EPHA3: variants seen among roughly 807,000 people sequenced by gnomAD.
EPHA3 encodes ephrin type-A receptor 3.
Under a neutral mutation model 107.1 loss-of-function variants are expected in EPHA3, and 42 were observed. The ratio of observed to expected loss-of-function variants is 0.39; its 90% CI spans 0.31 to 0.51. The LOEUF (loss-of-function observed/expected upper bound fraction) is 0.51. Ranked by LOEUF, EPHA3 falls within the 20% of genes least tolerant of loss-of-function variation. The pLI is 0.78. For missense variants in EPHA3, 1,183 were observed against 1,211.2 expected (o/e 0.98, Z 0.35); for synonymous variants, 461 against 424.8 (o/e 1.09, Z -1.05).
intron 3 of EPHA3, among the ~76,000 whole-genome samples, chr3:89,265,311 A>C (rs1422369391): frequency 6.6e-6 from 1 of 152,198 alleles, no homozygotes; most frequent in Non-Finnish European, 1.5e-5. Context: ...CCCTGACCAC[A>C]TAATTTTGGG....
chr3:89,201,352 G>A (rs918306394), intron 2 of EPHA3, among the ~76,000 whole-genome samples: 13 of 152,052 alleles, frequency 8.5e-5, no homozygotes, highest in African/African-American at 2.9e-4. Flanking sequence ...GTTAGGTGGG[G>A]ACACAGAGCC....
intron 13 of EPHA3, among the ~76,000 whole-genome samples, chr3:89,435,724 AG>A (rs1433213727): frequency 5.3e-5 from 8 of 149,776 alleles, no homozygotes; most frequent in African/African-American, 2.0e-4. Flanking sequence ...AGGCTAAAGC[AG>A]GCAGATCACC....
intron 2 of EPHA3, among the ~76,000 whole-genome samples, chr3:89,191,276 A>ATATTTT (rs1269299367): frequency 6.6e-6 from 1 of 151,520 alleles, no homozygotes; most frequent in Non-Finnish European, 1.5e-5. Flanking sequence ...AACTAGTATT[A>ATATTTT]TATTTTTATT....
intron 1 of EPHA3, among the ~76,000 whole-genome samples, chr3:89,126,302 C>A (rs1319054829): frequency 6.6e-6 from 1 of 151,578 alleles, no homozygotes; most frequent in Non-Finnish European, 1.5e-5. Context: ...ACCATAGTTT[C>A]CATTATTTAA....
intron 2 of EPHA3, among the ~76,000 whole-genome samples, chr3:89,185,008 C>T (rs1313589454): frequency 2.6e-5 from 4 of 151,952 alleles, no homozygotes; most frequent in African/African-American, 9.7e-5. Flanking sequence ...TGCTTTTCTC[C>T]CCCTGCTGTC....
rs2107553361 is a variant in EPHA3 at position 89,449,271 on chromosome 3, A to T, written c.2393A>T (p.Tyr798Phe). 1.2e-6 allele frequency: 2 copies of T among 1,612,222 alleles called. No homozygotes were observed. The highest frequency in any genetic ancestry group is 8.5e-7 in the Non-Finnish European group (1 of 1,178,692). Reference protein sequence around the residue: ...IRWTSPEAIAYRKFTSASDVW... With the variant: ...IRWTSPEAIAFRKFTSASDVW... ...TGGACATCACCAGAAGCTATAGCCT[A>T]CCGCAAGTTCACGTCAGCCAGCGAT... The change falls in exon 14 of 17, where the codon TAC becomes TTC. Residue 798 changes from tyrosine (Y) to phenylalanine (F), a missense_variant. Coordinates refer to ENST00000336596, the MANE Select transcript of EPHA3 (RefSeq NM_005233.6).
chr3:89,342,117 T>C, intron 5 of EPHA3, 27 bp downstream of exon 5: 1 of 1,570,854 alleles, frequency 6.4e-7, no homozygotes, highest in Non-Finnish European at 8.7e-7. Context: ...TGCTTCTTAC[T>C]CTTATCATAT....
intron 3 of EPHA3, among the ~76,000 whole-genome samples, chr3:89,231,680 C>A (rs1385691100): frequency 3.3e-5 from 5 of 152,060 alleles, no homozygotes; most frequent in Admixed American, 6.6e-5. Context: ...GTGATATGAA[C>A]TTTAGAAGGG....
intron 7 of EPHA3, among the ~76,000 whole-genome samples, chr3:89,404,106 T>G (rs1248382264): frequency 6.6e-6 from 1 of 152,166 alleles, no homozygotes. Flanking sequence ...CATTATTTGT[T>G]GTTTTGAAGA....
chr3:89,305,159 C>G (rs1706584814), intron 3 of EPHA3, among the ~76,000 whole-genome samples: 1 of 152,110 alleles, frequency 6.6e-6, no homozygotes, highest in Admixed American at 6.6e-5. Flanking sequence ...TTTCCATATT[C>G]TCACAAGTTT....
chr3:89,122,311 G>T (rs995655341), intron 1 of EPHA3, among the ~76,000 whole-genome samples: 2 of 152,068 alleles, frequency 1.3e-5, no homozygotes, highest in African/African-American at 2.4e-5. Flanking sequence ...TTGTTGTAGT[G>T]GTTTTATAGT....
intron 1 of EPHA3, among the ~76,000 whole-genome samples, chr3:89,114,268 A>C (rs1325962492): frequency 3.3e-5 from 5 of 152,166 alleles, no homozygotes; most frequent in Non-Finnish European, 4.4e-5. Flanking sequence ...TTTTAGCACA[A>C]AGCAGAGCCG....
chr3:89,438,675 A>G (rs1369570050), intron 13 of EPHA3, among the ~76,000 whole-genome samples: 3 of 152,200 alleles, frequency 2.0e-5, no homozygotes, highest in African/African-American at 2.4e-5. Flanking sequence ...GTAATAACAA[A>G]ATATCTAATT....
At chr3:89,129,602 GT>G (rs11378105) in intron 2 of EPHA3, among the ~76,000 whole-genome samples, 4,065 of 134,352 alleles carry the variant, frequency 0.03, 154 homozygotes, top group African/African-American at 0.1. Context: ...ACATTAGATT[GT>G]TTTTTTTTTT....
At chr3:89,251,936 ATTTTG>A (rs1705175229) in intron 3 of EPHA3, among the ~76,000 whole-genome samples, 1 of 152,090 alleles carries the variant, frequency 6.6e-6, no homozygotes, top group South Asian at 2.1e-4. Context: ...TAATTGCTGT[ATTTTG>A]TTTTATTTTA....
intron 2 of EPHA3, among the ~76,000 whole-genome samples, chr3:89,170,769 G>T (rs1559583575): frequency 6.6e-6 from 1 of 151,982 alleles, no homozygotes; most frequent in Non-Finnish European, 1.5e-5. Context: ...TGAAGAAAAA[G>T]AAAAAACAAG....
intron 2 of EPHA3, among the ~76,000 whole-genome samples, chr3:89,167,207 C>G (rs1213951789): frequency 1.3e-5 from 2 of 152,078 alleles, no homozygotes; most frequent in Non-Finnish European, 2.9e-5. Context: ...AAACAGTTAA[C>G]TAGCTAATAG....
At chr3:89,359,794 T>A in intron 5 of EPHA3, among the ~76,000 whole-genome samples, 1 of 144,896 alleles carries the variant, frequency 6.9e-6, no homozygotes, top group Non-Finnish European at 1.5e-5. Context: ...TATATATACA[T>A]ATATACACAT....
At chr3:89,289,040 A>T (rs536648627) in intron 3 of EPHA3, among the ~76,000 whole-genome samples, 3 of 152,228 alleles carry the variant, frequency 2.0e-5, no homozygotes, top group Admixed American at 6.6e-5. Flanking sequence ...CTATGTCTTT[A>T]CCTATACTAA....
Sources: allele counts gnomAD v4.1 joint callset (sites outside exome capture counted in the v4.1 genomes callset), GRCh38; gene constraint gnomAD v4.1.1; transcripts MANE v1.5; gene names NCBI Gene and HGNC (gene_info 2026-07-23, HGNC 2026-07-21).